BABAM2: variants seen among roughly 807,000 people sequenced by gnomAD.
BABAM2 encodes BRISC and BRCA1 A complex member 2, also known as BRISC and BRCA1-A complex member 2.
A neutral mutation model predicts 54.7 loss-of-function variants in BABAM2; 31 were observed. The ratio of observed to expected loss-of-function variants is 0.57; its 90% confidence interval spans 0.43 to 0.77. The LOEUF (loss-of-function observed/expected upper bound fraction) is 0.77, where lower values mean the gene tolerates loss of function less well. BABAM2 is among the 30% of genes least tolerant of loss of function. The pLI, the probability that BABAM2 is intolerant of heterozygous loss-of-function variation, is 0.00. For missense variants in BABAM2, 364 were observed against 455.8 expected (o/e 0.80, Z 1.83); for synonymous variants, 167 against 162.9 (o/e 1.03, Z -0.19).
At position 28,325,871 on chromosome 2, in the gene BABAM2, C is replaced by T. The variant is rs1690404230; in HGVS notation, c.1089-12579C>T. Among the ~76,000 whole-genome samples the T allele has an allele frequency of 1.3e-5, 2 of 152,234 alleles. No individual in the cohort carries two copies. The highest frequency in any genetic ancestry group is 2.1e-4 in the South Asian group (1 of 4,832). On this transcript the variant is annotated intron_variant, in intron 11 of 11. Transcript: ENST00000379624. The surrounding 1 kb of genome is among the most constrained non-coding windows in gnomAD (Gnocchi z 4.3). ...GATCTGGTGGAAGAAAGTGAACTTA[C>T]AACCAGGCAAATAACACTTCAAAGC...
chr2:28,248,031 T>G (rs898288827), intron 10 of BABAM2, among the ~76,000 whole-genome samples: 1 of 152,100 alleles, frequency 6.6e-6, no homozygotes, highest in South Asian at 2.1e-4. Flanking sequence ...ATCTTGGAAC[T>G]GTAGCAGGAT....
At chr2:28,147,129 C>T (rs1002349585) in intron 7 of BABAM2, among the ~76,000 whole-genome samples, 4 of 152,180 alleles carry the variant, frequency 2.6e-5, no homozygotes, top group Middle Eastern at 3.2e-3. Context: ...AGCAGGCCTA[C>T]GTAGTCCCTG....
At chr2:28,157,760 C>A (rs1045682582) in intron 7 of BABAM2, among the ~76,000 whole-genome samples, 1 of 152,038 alleles carries the variant, frequency 6.6e-6, no homozygotes, top group Non-Finnish European at 1.5e-5. Context: ...TACAGGCATG[C>A]GCCACCATGC....
chr2:27,926,286 T>C (rs1236446954), intron 2 of BABAM2, among the ~76,000 whole-genome samples: 4 of 152,112 alleles, frequency 2.6e-5, no homozygotes, highest in Non-Finnish European at 1.5e-5. Context: ...CTTTTGCCCT[T>C]CTCTCCCTCA....
rs188645361 is a variant in BABAM2 at position 28,218,691 on chromosome 2, A to G, written c.681-18511A>G. The stretch of plus-strand genomic sequence containing the variant: ...TCTAATGTTACTAGTTTTCTCTTTA[A>G]TAAGAACTCCGTGGAGTGATGTGTT... On this transcript the variant is annotated intron_variant, in intron 7 of 11. Transcript: ENST00000379624. Among the ~76,000 whole-genome samples, 3 of 152,252 alleles carry G rather than the reference A, an allele frequency of 2.0e-5. No homozygotes were observed. In the East Asian group the frequency reaches 5.8e-4, roughly 29 times the overall value.
chr2:28,033,043 A>G (rs533959094), intron 5 of BABAM2, among the ~76,000 whole-genome samples: 16 of 152,142 alleles, frequency 1.1e-4, no homozygotes, highest in Admixed American at 3.9e-4. Flanking sequence ...TTCCATTACC[A>G]CAAAGATCTC....
chr2:28,151,337 C>T (rs1672013952), intron 7 of BABAM2, among the ~76,000 whole-genome samples: 1 of 152,090 alleles, frequency 6.6e-6, no homozygotes, highest in Non-Finnish European at 1.5e-5. Context: ...CTTTGGGAGG[C>T]CAAGGCAGGT....
At chr2:27,893,918 C>T (rs974263010) in intron 1 of BABAM2, among the ~76,000 whole-genome samples, 9 of 145,598 alleles carry the variant, frequency 6.2e-5, no homozygotes, top group African/African-American at 1.5e-4. Flanking sequence ...CACTTGAACC[C>T]GGGAGGTGGA....
rs553800596 is a variant in BABAM2, at chr2:28,264,874, G to A, written c.934+20012G>A. Among the ~76,000 whole-genome samples, 47 of 152,218 alleles carry A rather than the reference G, an allele frequency of 3.1e-4. No homozygotes were observed. The South Asian group carries it at 7.5e-3, about 24-fold the overall frequency. On this transcript the variant is annotated intron_variant, in intron 10 of 11. Transcript: ENST00000379624. ...GTTTTCATTATTCCAGAGGTCATGG[G>A]GGCTTCAGAAAACCAACACAATCTG...
chr2:28,277,573 T>C (rs1252728059), intron 10 of BABAM2, among the ~76,000 whole-genome samples: 1 of 152,052 alleles, frequency 6.6e-6, no homozygotes, highest in Non-Finnish European at 1.5e-5. Context: ...AAAGCAAGAG[T>C]ACCCCGCCCC....
chr2:28,299,926 CTTT>C (rs1491500324), intron 11 of BABAM2, among the ~76,000 whole-genome samples: 1 of 151,608 alleles, frequency 6.6e-6, no homozygotes, highest in Non-Finnish European at 1.5e-5. Context: ...GGCTTGATAA[CTTT>C]TTATTTTATT....
intron 5 of BABAM2, among the ~76,000 whole-genome samples, chr2:28,044,704 G>A (rs771301469): frequency 6.6e-6 from 1 of 152,184 alleles, no homozygotes; most frequent in African/African-American, 2.4e-5. Context: ...AGTTTGTGCT[G>A]CTCATTTTTT....
chr2:28,097,706 A>C (rs770047933), intron 6 of BABAM2, among the ~76,000 whole-genome samples: 44 of 152,014 alleles, frequency 2.9e-4, no homozygotes, highest in Non-Finnish European at 5.3e-4. Context: ...CTTTTTTGGC[A>C]GTTATAAAGT....
intron 10 of BABAM2, among the ~76,000 whole-genome samples, chr2:28,297,258 G>A (rs576778806): frequency 3.6e-4 from 55 of 152,272 alleles, no homozygotes; most frequent in African/African-American, 1.2e-3. Flanking sequence ...TCTCTGGTTT[G>A]CTCACCTGTT....
chr2:28,097,528 ACT>A (rs1406945706), intron 6 of BABAM2, among the ~76,000 whole-genome samples: 1 of 151,474 alleles, frequency 6.6e-6, no homozygotes, highest in African/African-American at 2.4e-5. Flanking sequence ...CTGGTTATTG[ACT>A]CTTTTTAATT....
chr2:28,073,513 A>T (rs1263198169), intron 6 of BABAM2, among the ~76,000 whole-genome samples: 1 of 152,170 alleles, frequency 6.6e-6, no homozygotes, highest in African/African-American at 2.4e-5. Context: ...AATCAATAAG[A>T]AATCTGTTTA....
At chr2:28,306,575 T>A (rs1374005968) in intron 11 of BABAM2, among the ~76,000 whole-genome samples, 1 of 152,182 alleles carries the variant, frequency 6.6e-6, no homozygotes, top group Non-Finnish European at 1.5e-5. Flanking sequence ...TATATTTTTT[T>A]CATCCTTTCT....
At chr2:28,057,793 A>G (rs1268435389) in intron 6 of BABAM2, among the ~76,000 whole-genome samples, 2 of 152,158 alleles carry the variant, frequency 1.3e-5, no homozygotes, top group Non-Finnish European at 2.9e-5. Context: ...TGGGAAAAAA[A>G]CCTTTATAAA....
At chr2:28,112,197 C>CCCTCCCTCCCTTCCTTCCTTCCTT (rs1558347424) in intron 6 of BABAM2, among the ~76,000 whole-genome samples, 3 of 25,488 alleles carry the variant, frequency 1.2e-4, no homozygotes, top group African/African-American at 5.7e-4. Flanking sequence ...CTCCCTCCCT[C>CCCTCCCTCCCTTCCTTCCTTCCTT]CCTTCCTTCC....
Sources: allele counts gnomAD v4.1 joint callset (sites outside exome capture counted in the v4.1 genomes callset), GRCh38; gene constraint gnomAD v4.1.1; non-coding constraint Gnocchi (gnomAD v3.1); transcripts MANE v1.5; gene names NCBI Gene and HGNC (gene_info 2026-07-23, HGNC 2026-07-21).